ARHGAP15: variants seen among roughly 807,000 people sequenced by gnomAD.
ARHGAP15 encodes the protein Rho GTPase activating protein 15.
ARHGAP15 carries 51 observed loss-of-function variants against 63.7 expected under a neutral mutation model. That is an observed-to-expected ratio of 0.80 (90% CI 0.64 to 1.01). ARHGAP15 has a LOEUF of 1.01. Among genes scored for constraint, ARHGAP15 ranks in the 50% least tolerant of loss-of-function variants. The pLI is 0.00. For synonymous variants in ARHGAP15, 191 were observed against 193.8 expected (o/e 0.99, Z 0.12); for missense variants, 560 against 564.6 (o/e 0.99, Z 0.08).
At chr2:143,663,039 C>T (rs1202123388) in intron 12 of ARHGAP15, among the ~76,000 whole-genome samples, 1 of 123,216 alleles carries the variant, frequency 8.1e-6, no homozygotes, top group African/African-American at 3.1e-5. Flanking sequence ...GGCAGGCCAA[C>T]GTTCAGATTC....
At chr2:143,641,426 A>G (rs1052042152) in intron 12 of ARHGAP15, among the ~76,000 whole-genome samples, 4 of 152,164 alleles carry the variant, frequency 2.6e-5, no homozygotes, top group African/African-American at 9.6e-5. Context: ...TTGGAACCAG[A>G]TATTTGTTCA....
At chr2:143,714,279 C>T (rs941152783) in intron 13 of ARHGAP15, among the ~76,000 whole-genome samples, 3 of 152,212 alleles carry the variant, frequency 2.0e-5, no homozygotes, top group Non-Finnish European at 2.9e-5. Context: ...CCAAACTCTA[C>T]GTTGGCCCCT....
chr2:143,441,840 G>A (rs756997962), intron 8 of ARHGAP15, among the ~76,000 whole-genome samples: 11 of 152,130 alleles, frequency 7.2e-5, no homozygotes, highest in Non-Finnish European at 1.2e-4. Context: ...AAAAACAAAT[G>A]TGTTCTGGGT....
intron 6 of ARHGAP15, among the ~76,000 whole-genome samples, chr2:143,323,342 A>G (rs372330783): frequency 6.6e-6 from 1 of 152,240 alleles, no homozygotes; most frequent in Non-Finnish European, 1.5e-5. Context: ...GAATGAGGTC[A>G]TAAAAGTAGC....
intron 9 of ARHGAP15, among the ~76,000 whole-genome samples, chr2:143,507,377 G>A (rs1284282455): frequency 6.6e-6 from 1 of 152,158 alleles, no homozygotes; most frequent in African/African-American, 2.4e-5. Flanking sequence ...AAATCTTGCA[G>A]TGGTTTTAGA....
chr2:143,365,837 A>C (rs1309857509), intron 6 of ARHGAP15, among the ~76,000 whole-genome samples: 1 of 152,218 alleles, frequency 6.6e-6, no homozygotes, highest in African/African-American at 2.4e-5. Context: ...AAATATTCCG[A>C]AGATCAATGA....
chr2:143,707,929 A>G (rs1224512924), intron 13 of ARHGAP15, among the ~76,000 whole-genome samples: 6 of 152,226 alleles, frequency 3.9e-5, no homozygotes, highest in Non-Finnish European at 8.8e-5. Context: ...GACTATAAAA[A>G]TATTTACTAA....
At chr2:143,166,825 A>G (rs75895926) in intron 2 of ARHGAP15, among the ~76,000 whole-genome samples, 1,813 of 152,082 alleles carry the variant, frequency 0.012, 40 homozygotes, top group African/African-American at 0.042. Context: ...CCTATTTCCT[A>G]TGTCTTGTGT....
At chr2:143,365,894 A>G (rs1276890783) in intron 6 of ARHGAP15, among the ~76,000 whole-genome samples, 1 of 152,208 alleles carries the variant, frequency 6.6e-6, no homozygotes, top group Non-Finnish European at 1.5e-5. Context: ...CTTAATAGAG[A>G]TTAGCACCTC....
At chr2:143,597,264 TAAA>T (rs1416292552) in intron 11 of ARHGAP15, among the ~76,000 whole-genome samples, 14 of 151,996 alleles carry the variant, frequency 9.2e-5, no homozygotes, top group Non-Finnish European at 1.6e-4. Flanking sequence ...AATATTATAA[TAAA>T]GAAATAAAAA....
At chr2:143,175,802 A>G (rs1490229842) in intron 2 of ARHGAP15, among the ~76,000 whole-genome samples, 2 of 152,196 alleles carry the variant, frequency 1.3e-5, no homozygotes, top group Non-Finnish European at 2.9e-5. Flanking sequence ...AATGATGATC[A>G]TCTTGAAAAC....
intron 13 of ARHGAP15, among the ~76,000 whole-genome samples, chr2:143,724,077 G>GTA (rs1443493230): frequency 6.6e-6 from 1 of 151,336 alleles, no homozygotes; most frequent in Admixed American, 6.6e-5. Context: ...GTGTGTGTAT[G>GTA]TGTGTGATCT....
At chr2:143,709,981 C>T (rs1046868564) in intron 13 of ARHGAP15, among the ~76,000 whole-genome samples, 1 of 152,232 alleles carries the variant, frequency 6.6e-6, no homozygotes, top group Admixed American at 6.5e-5. Flanking sequence ...CTCAGCTCTG[C>T]TGTGCTTTTG....
intron 6 of ARHGAP15, among the ~76,000 whole-genome samples, chr2:143,343,847 C>A (rs999944573): frequency 6.6e-6 from 1 of 152,114 alleles, no homozygotes; most frequent in African/African-American, 2.4e-5. Context: ...TTAATAATCT[C>A]TTTTCTCTGA....
chr2:143,318,978 T>C (rs1341539437), intron 6 of ARHGAP15, among the ~76,000 whole-genome samples: 1 of 152,144 alleles, frequency 6.6e-6, no homozygotes, highest in African/African-American at 2.4e-5. Flanking sequence ...GAACCTCAAC[T>C]GCAGTCCTGA....
chr2:143,600,045 A>G (rs1396452797), intron 11 of ARHGAP15, among the ~76,000 whole-genome samples: 2 of 152,322 alleles, frequency 1.3e-5, no homozygotes, highest in African/African-American at 2.4e-5. Context: ...AAGTTGCTGA[A>G]GAAGGGAACT....
chr2:143,567,171 T>A (rs926159020), intron 11 of ARHGAP15, among the ~76,000 whole-genome samples: 9 of 152,104 alleles, frequency 5.9e-5, no homozygotes, highest in African/African-American at 1.4e-4. Context: ...CACAGCGTGC[T>A]TCTTTATCTA....
At chr2:143,390,548 T>C (rs1406241070) in intron 6 of ARHGAP15, among the ~76,000 whole-genome samples, 1 of 152,046 alleles carries the variant, frequency 6.6e-6, no homozygotes, top group African/African-American at 2.4e-5. Flanking sequence ...TGCACACAGA[T>C]TGAAATGCTT....
At chr2:143,594,379 C>T (rs1697433111) in intron 11 of ARHGAP15, among the ~76,000 whole-genome samples, 1 of 152,170 alleles carries the variant, frequency 6.6e-6, no homozygotes, top group African/African-American at 2.4e-5. Context: ...GTAAGCAAAT[C>T]GTTCAGAACT....
Sources: allele counts gnomAD v4.1 joint callset (sites outside exome capture counted in the v4.1 genomes callset), GRCh38; gene constraint gnomAD v4.1.1; transcripts MANE v1.5; gene names NCBI Gene and HGNC (gene_info 2026-07-23, HGNC 2026-07-21).